The following LSP1 variants were observed in gnomAD, a reference collection of about 807,000 sequenced individuals.
LSP1 encodes lymphocyte specific protein 1.
Under a neutral mutation model 49.3 loss-of-function variants are expected in LSP1, and 32 were observed. That is an observed-to-expected ratio of 0.65 (90% confidence interval 0.49 to 0.87). LSP1 has a LOEUF of 0.87. LSP1 is among the 40% of genes least tolerant of loss of function. The probability of loss-of-function intolerance (pLI) is 0.00; values close to 1 mark genes in which losing one functional copy is unlikely to be tolerated. For synonymous variants in LSP1, 179 were observed against 178.8 expected (o/e 1.00, Z -0.01); for missense variants, 428 against 442.6 (o/e 0.97, Z 0.30).
chr11:1,884,369 T>G lies in LSP1; in HGVS notation c.635+46T>G. 1 of 1,613,298 alleles carries G rather than the reference T, an allele frequency of 6.2e-7. No individual in the cohort carries two copies. Among genetic ancestry groups the G allele is most frequent in the Non-Finnish European group, 8.5e-7 (1 of 1,179,382 alleles). ...GCTTTCTGGGCTCAGATCTTAGGTT[T>G]AACCAAGTGGGGGTTGAAGGGAGTC... On this transcript the variant is annotated intron_variant, in intron 6 of 10. Transcript: ENST00000311604. The surrounding 1 kb of genome is among the most constrained non-coding windows in gnomAD (Gnocchi z 4.1).
chr11:1,866,129 G>A (rs1408501572), intron 1 of LSP1, among the ~76,000 whole-genome samples: 3 of 152,136 alleles, frequency 2.0e-5, no homozygotes, highest in Non-Finnish European at 4.4e-5. Flanking sequence ...CGCCTGTAGT[G>A]CCCTTTCTCC....
chr11:1,861,226 A>C (rs1331286053), intron 1 of LSP1, among the ~76,000 whole-genome samples: 3 of 152,248 alleles, frequency 2.0e-5, no homozygotes, highest in Non-Finnish European at 4.4e-5. Context: ...CCATGAGGCT[A>C]TCATACGTAA....
intron 10 of LSP1, chr11:1,889,024 A>G (rs1327454827): frequency 1.8e-6 from 1 of 567,230 alleles, no homozygotes; most frequent in East Asian, 3.1e-5. Flanking sequence ...GCTGCCCTGC[A>G]CCCCATGCCC....
intron 1 of LSP1, chr11:1,866,899 A>C: frequency 6.6e-7 from 1 of 1,517,716 alleles, no homozygotes; most frequent in Non-Finnish European, 8.8e-7. Flanking sequence ...CCCAGCACCA[A>C]CTGCAGCCCC....
chr11:1,889,393 A>G, intron 10 of LSP1: 2 of 696,724 alleles, frequency 2.9e-6, no homozygotes, highest in Non-Finnish European at 2.7e-6. Flanking sequence ...CACATCCTGG[A>G]GGTCCGGGAG....
At chr11:1,889,776 A>G in intron 10 of LSP1, 1 of 651,198 alleles carries the variant, frequency 1.5e-6, no homozygotes, top group East Asian at 2.7e-5. Flanking sequence ...GGTCGGGGCT[A>G]TGGGCACCAC....
intron 10 of LSP1, chr11:1,891,087 G>A (rs1195554488): frequency 2.5e-5 from 4 of 158,570 alleles, no homozygotes; most frequent in African/African-American, 4.8e-5. Flanking sequence ...CGTCCGCTGC[G>A]AGCCAGCGGT....
chr11:1,868,124 C>A (rs1394633196), intron 1 of LSP1, among the ~76,000 whole-genome samples: 2 of 152,244 alleles, frequency 1.3e-5, no homozygotes, highest in Non-Finnish European at 2.9e-5. Context: ...GTCAGGGGAC[C>A]TCAAGAGGAC....
chr11:1,883,378 C>T (rs1346800567), intron 3 of LSP1, 41 bp from the exon 4 acceptor site: 3 of 1,607,664 alleles, frequency 1.9e-6, no homozygotes, highest in African/African-American at 2.7e-5. Context: ...CCAAGCAATC[C>T]AATGGCCCTA....
In LSP1 at chr11:1,871,471, T is replaced by C. The variant is rs1422000864; in HGVS notation, c.54-8616T>C. 3.0e-6 allele frequency: 3 copies of C among 986,440 alleles called. No individual in the cohort carries two copies. In the East Asian group the frequency reaches 3.4e-4, roughly 111 times the overall value. 61.1% of individuals were successfully genotyped at this position (986,440 alleles called of 1,614,324 possible). A position where few individuals can be genotyped will look rare whatever the true frequency, so the allele number is the denominator to read the frequency against. On this transcript the variant is annotated intron_variant, in intron 1 of 10. Transcript: ENST00000311604. ...GGTCAGCAGGACATCAAGCCGGTTCTGGACCCTGCTCTGAGGACGGTCCCT... is the reference window on the plus strand; with the variant it reads ...GGTCAGCAGGACATCAAGCCGGTTCCGGACCCTGCTCTGAGGACGGTCCCT...
chr11:1,874,085 GGCAGAGCA>G (rs1565079659), intron 1 of LSP1, among the ~76,000 whole-genome samples: 24 of 113,864 alleles, frequency 2.1e-4, no homozygotes, highest in East Asian at 2.9e-4. Flanking sequence ...GAGGGAGGCC[GGCAGAGCA>G]GGGAGGCCGG....
intron 1 of LSP1, among the ~76,000 whole-genome samples, chr11:1,877,130 G>A (rs1001202407): frequency 2.0e-5 from 3 of 152,218 alleles, no homozygotes; most frequent in Admixed American, 2.0e-4. Flanking sequence ...TGCATGCCAA[G>A]GGGCCTGGGC....
Position 1,853,102 on chromosome 11 carries a change from C to G in LSP1, c.-43C>G. The G allele has an allele frequency of 6.3e-7, 1 of 1,590,978 alleles. No individual in the cohort carries two copies. On this transcript the variant is annotated 5_prime_UTR_variant, in exon 1 of 11. Transcript: ENST00000311604. ...GAAAGCCACAGCACGTACACCCACT[C>G]CAGGGATCTGCCAGCACCCTGTGGG...
chr11:1,887,655 G>C, intron 10 of LSP1, 79 bp downstream of exon 10: 1 of 1,153,348 alleles, frequency 8.7e-7, no homozygotes, highest in Non-Finnish European at 1.3e-6. Flanking sequence ...CCTGGAGGCT[G>C]CCTGGAGCCC....
intron 1 of LSP1, among the ~76,000 whole-genome samples, chr11:1,873,297 C>T (rs934620021): frequency 7.9e-5 from 12 of 152,000 alleles, no homozygotes; most frequent in South Asian, 4.1e-4. Context: ...CCCACTGCGG[C>T]GACCCCGAGG....
chr11:1,882,209 C>A (rs1848575790), intron 3 of LSP1, among the ~76,000 whole-genome samples: 1 of 152,208 alleles, frequency 6.6e-6, no homozygotes, highest in South Asian at 2.1e-4. Flanking sequence ...GTCCTTGCCG[C>A]TCTCAGTCAT....
chr11:1,883,055 G>A (rs891091764), intron 3 of LSP1, among the ~76,000 whole-genome samples: 1 of 152,160 alleles, frequency 6.6e-6, no homozygotes, highest in African/African-American at 2.4e-5. Flanking sequence ...GCCCGGCCTC[G>A]CGGGGACCCC....
chr11:1,855,459 G>T (rs1847465064), intron 1 of LSP1, among the ~76,000 whole-genome samples: 1 of 152,182 alleles, frequency 6.6e-6, no homozygotes, highest in African/African-American at 2.4e-5. Flanking sequence ...CCTCCAGCTG[G>T]ACAAGTGGGT....
intron 1 of LSP1, among the ~76,000 whole-genome samples, chr11:1,875,147 G>T (rs1848254007): frequency 1.3e-5 from 2 of 149,026 alleles, no homozygotes. Flanking sequence ...CTGGCTGTCT[G>T]TGTCGCCCCC....
Sources: allele counts gnomAD v4.1 joint callset (sites outside exome capture counted in the v4.1 genomes callset), GRCh38; gene constraint gnomAD v4.1.1; non-coding constraint Gnocchi (gnomAD v3.1); transcripts MANE v1.5; gene names NCBI Gene and HGNC (gene_info 2026-07-23, HGNC 2026-07-21).